The following ATP5F1B variants were observed in gnomAD, a reference collection of about 807,000 sequenced individuals.
ATP5F1B encodes the protein ATP synthase F1 subunit beta, also known as ATP synthase F(1) complex subunit beta, mitochondrial.
ATP5F1B carries 17 observed loss-of-function variants against 45.9 expected under a neutral mutation model. The ratio of observed to expected loss-of-function variants is 0.37; its 90% confidence interval spans 0.25 to 0.56. The LOEUF (loss-of-function observed/expected upper bound fraction) is 0.56, where lower values mean the gene tolerates loss of function less well. Ranked by LOEUF, ATP5F1B falls within the 20% of genes least tolerant of loss-of-function variation. The pLI is 0.80. For missense variants in ATP5F1B, 387 were observed against 673.2 expected (o/e 0.57, Z 4.70); for synonymous variants, 218 against 256.5 (o/e 0.85, Z 1.43).
At chr12:56,642,638 A>G in intron 6 of ATP5F1B, 35 bp downstream of exon 6, 1 of 1,614,076 alleles carries the variant, frequency 6.2e-7, no homozygotes, top group Middle Eastern at 1.6e-4. Context: ...AAGAAAGGCC[A>G]GATGAACCAG....
rs1951531362 is a variant in ATP5F1B, at chr12:56,643,909, C to T, written c.535G>A (p.Glu179Lys). The change falls in exon 4 of 10, where the codon GAG (glutamate) becomes AAG (lysine). Residue 179 changes from glutamate to lysine, a missense_variant. Physicochemically the swap from Glu to Lys is moderately conservative, Grantham distance 56 (BLOSUM62 1). Around this residue, in one of 6 missense-constraint regions of ATP5F1B, gnomAD observed 113 missense variants for 168.0 expected, o/e 0.67. Coordinates refer to ENST00000262030, the MANE Select transcript of ATP5F1B (RefSeq NM_001686.4). ...ATACCAGTCACCAGAATTTCCTGCT[C>T]AACACTCATTTCCATGAACTCTGGA... ...EAPEFMEMSV[E>K]QEILVTGIKV... The T allele has an allele frequency of 1.2e-6, 2 of 1,614,174 alleles. No individual in the cohort carries two copies. The highest frequency in any genetic ancestry group is 1.7e-5 in the Admixed American group (1 of 60,020).
intron 3 of ATP5F1B, among the ~76,000 whole-genome samples, chr12:56,644,409 G>A (rs1369531027): frequency 6.6e-6 from 1 of 151,914 alleles, no homozygotes; most frequent in African/African-American, 2.4e-5. Context: ...TCAGGAGTTC[G>A]AGACCAGCCT....
Position 56,645,234 on chromosome 12 carries a change from G to T in ATP5F1B, c.247C>A (p.Leu83Ile), listed in dbSNP as rs776857033. 5 of 1,614,122 alleles carry T rather than the reference G, an allele frequency of 3.1e-6. No homozygotes were observed. In the East Asian group the frequency reaches 8.9e-5, roughly 29 times the overall value. The change falls in exon 2 of 10, where the codon CTA (leucine) becomes ATA (isoleucine). Residue 83 changes from leucine to isoleucine, a missense_variant. Physicochemically the swap from Leu to Ile is conservative, Grantham distance 5 (BLOSUM62 2). Around this residue, in one of 6 missense-constraint regions of ATP5F1B, gnomAD observed 113 missense variants for 168.0 expected, o/e 0.67. Coordinates refer to ENST00000262030, the MANE Select transcript of ATP5F1B (RefSeq NM_001686.4). ...CTGCCTTGCACTTCCAGGGCATTTA[G>T]AATTGGTGGTAGTCCCTCATCAAAC... is the stretch of plus-strand genomic sequence containing the variant. ...VQFDEGLPPI[L>I]NALEVQGRET...
At chr12:56,641,171 C>G (rs1951509342) in intron 7 of ATP5F1B, among the ~76,000 whole-genome samples, 1 of 151,998 alleles carries the variant, frequency 6.6e-6, no homozygotes, top group African/African-American at 2.4e-5. Flanking sequence ...TCAAGACCAG[C>G]CTGACTAACA....
chr12:56,643,300 T>G, intron 5 of ATP5F1B, 103 bp downstream of exon 5: 1 of 1,144,936 alleles, frequency 8.7e-7, no homozygotes, highest in Non-Finnish European at 1.2e-6. Flanking sequence ...AACATTTTCT[T>G]AAAAAGAAAA....
In ATP5F1B at chr12:56,644,764, C is replaced by T. The variant is rs1357665839; in HGVS notation, c.485+17G>A. On this transcript the variant is annotated intron_variant, in intron 3 of 9. Coordinates refer to ENST00000262030, the MANE Select transcript of ATP5F1B (RefSeq NM_001686.4). ...ACAGAAGTTCCTTTGTGCATAGATG[C>T]AATAAGAGCAACTTACTGTTTGGTT... 1 of 1,602,722 alleles carries T rather than the reference C, an allele frequency of 6.2e-7. No individual in the cohort carries two copies. Among genetic ancestry groups the T allele is most frequent in the Admixed American group, 1.7e-5 (1 of 58,954 alleles).
chr12:56,639,915 A>C, intron 8 of ATP5F1B, 65 bp downstream of exon 8: 2 of 1,537,358 alleles, frequency 1.3e-6, no homozygotes, highest in Non-Finnish European at 1.8e-6. Flanking sequence ...TCCAGTCCTC[A>C]TATAGTCCCC....
chr12:56,639,949 G>A (rs753990283), intron 8 of ATP5F1B, 31 bp downstream of exon 8: 29 of 1,609,478 alleles, frequency 1.8e-5, no homozygotes, highest in South Asian at 2.2e-5. Context: ...TTGACTTTCC[G>A]GACACTGATC....
chr12:56,645,745 A>T, intron 1 of ATP5F1B, 92 bp downstream of exon 1: 2 of 1,552,496 alleles, frequency 1.3e-6, no homozygotes, highest in South Asian at 2.4e-5. Context: ...TTTTAACACC[A>T]CGGATCCCTT....
intron 7 of ATP5F1B, among the ~76,000 whole-genome samples, chr12:56,640,935 G>C (rs1951507452): frequency 6.6e-6 from 1 of 151,058 alleles, no homozygotes; most frequent in African/African-American, 2.4e-5. Context: ...TGTAATCCCA[G>C]CTATGCAGGA....
chr12:56,640,030 CAAT>C lies in ATP5F1B; in HGVS notation c.1234_1236del (p.Ile412del). On this transcript the variant is annotated inframe_deletion, in exon 8 of 10. Coordinates refer to ENST00000262030, the MANE Select transcript of ATP5F1B (RefSeq NM_001686.4). ...GCAACATCGTAATGCTCACTGCCAA[CAAT>C]GTTGGGATCCATGATACGAGAGGTG... 6.2e-7 allele frequency: 1 copy of C among 1,614,020 alleles called. No homozygotes were observed. Among genetic ancestry groups the C allele is most frequent in the Non-Finnish European group, 8.5e-7 (1 of 1,179,994 alleles).
chr12:56,639,254 A>G lies in ATP5F1B; in HGVS notation c.1341T>C (p.Ser447=), dbSNP rs775394161. 1.2e-6 allele frequency: 2 copies of G among 1,613,994 alleles called. No homozygotes were observed. The highest frequency in any genetic ancestry group is 3.3e-5 in the Admixed American group (2 of 59,998). ...IIAILGMDEL[S]EEDKLTVSRA... is the part of the protein sequence containing the mutation. ...GGGACACGGTCAACTTGTCTTCCTC[A>G]GAAAGTTCATCCATACCCAGGATGG... Residue 447 remains serine, a synonymous_variant, in exon 9 of 10, where the codon TCT becomes TCC. Transcript: ENST00000262030.
intron 1 of ATP5F1B, among the ~76,000 whole-genome samples, 157 bp downstream of exon 1, chr12:56,645,680 G>A (rs532440323): frequency 3.2e-4 from 48 of 152,210 alleles, no homozygotes; most frequent in Non-Finnish European, 5.9e-4. Context: ...CCTCCTATGG[G>A]TGTCCCATTC....
intron 7 of ATP5F1B, among the ~76,000 whole-genome samples, chr12:56,640,520 G>A (rs1041610500): frequency 5.3e-5 from 8 of 151,544 alleles, no homozygotes; most frequent in East Asian, 3.9e-4. Context: ...GAGCCACCAC[G>A]CCCAGCGAAC....
Position 56,644,971 on chromosome 12 carries a change from A to G in ATP5F1B, c.311-16T>C. ...GTGCTCTCACCTGTTAGATACAGGC[A>G]TCGCAGGGTTATACATAAGGATAAA... On this transcript the variant is annotated splice_polypyrimidine_tract_variant and intron_variant, in intron 2 of 9. Transcript: ENST00000262030. 1 of 1,614,132 alleles carries G rather than the reference A, an allele frequency of 6.2e-7. No individual in the cohort carries two copies. Among genetic ancestry groups the G allele is most frequent in the Non-Finnish European group, 8.5e-7 (1 of 1,179,932 alleles).
rs545831877 is a variant in ATP5F1B, at chr12:56,638,691, T to C, written c.1490-268A>G. Among the ~76,000 whole-genome samples the C allele has an allele frequency of 1.4e-4, 21 of 152,020 alleles. No homozygotes were observed. The East Asian group carries it at 4.1e-3, about 29-fold the overall frequency. The stretch of plus-strand genomic sequence containing the variant: ...CAGGCGGATCACCTAAGGTCAGGAG[T>C]TCGAGACAAGCCCAGCCAACATGGT... On this transcript the variant is annotated intron_variant, in intron 9 of 9. Coordinates refer to ENST00000262030, the MANE Select transcript of ATP5F1B (RefSeq NM_001686.4).
rs1476821142 is a variant in ATP5F1B at position 56,642,747 on chromosome 12, A to T, written c.877T>A (p.Phe293Ile). 1 of 1,614,068 alleles carries T rather than the reference A, an allele frequency of 6.2e-7. No individual in the cohort carries two copies. The highest frequency in any genetic ancestry group is 8.5e-7 in the Non-Finnish European group (1 of 1,180,042). The change falls in exon 6 of 10, where the codon TTC (phenylalanine) becomes ATC (isoleucine). Residue 293 changes from phenylalanine to isoleucine, a missense_variant. Around this residue, in one of 6 missense-constraint regions of ATP5F1B, gnomAD observed 154 missense variants for 361.4 expected, o/e 0.43. Coordinates refer to ENST00000262030, the MANE Select transcript of ATP5F1B (RefSeq NM_001686.4). ...ACATCTTGACCTTCTTGGTCTCTGA[A>T]GTATTCAGCCACAGTCAGCCCAGTC... ...ALTGLTVAEY[F>I]RDQEGQDVLL...
chr12:56,642,142 C>T (rs1951516865), intron 7 of ATP5F1B, among the ~76,000 whole-genome samples: 1 of 151,488 alleles, frequency 6.6e-6, no homozygotes, highest in South Asian at 2.1e-4. Context: ...ATTACAGGCG[C>T]CTGCCACAAC....
At chr12:56,644,995 A>C in intron 2 of ATP5F1B, 40 bp from the exon 3 acceptor site, 1 of 1,614,082 alleles carries the variant, frequency 6.2e-7, no homozygotes, top group South Asian at 1.1e-5. Flanking sequence ...CATAAGGATA[A>C]ATTGGTATCA....
Sources: allele counts gnomAD v4.1 joint callset (sites outside exome capture counted in the v4.1 genomes callset), GRCh38; gene constraint gnomAD v4.1.1; regional missense constraint gnomAD v4.1.1; transcripts MANE v1.5; gene names NCBI Gene and HGNC (gene_info 2026-07-23, HGNC 2026-07-21).